Variants in UGGT2 observed in about 807,000 individuals in gnomAD.
UGGT2 encodes the protein UDP-glucose glycoprotein glucosyltransferase 2, also known as UDP-glucose:glycoprotein glucosyltransferase 2.
UGGT2 carries 180 observed loss-of-function variants against 192.1 expected under a neutral mutation model. The ratio of observed to expected loss-of-function variants is 0.94; its 90% confidence interval spans 0.83 to 1.06. The LOEUF (loss-of-function observed/expected upper bound fraction) is 1.06. Ranked by LOEUF, UGGT2 falls within the 50% of genes least tolerant of loss-of-function variation. The probability of loss-of-function intolerance (pLI) is 0.00; values close to 1 mark genes in which losing one functional copy is unlikely to be tolerated. For missense variants in UGGT2, 1,849 were observed against 1,795.7 expected (o/e 1.03, Z -0.54); for synonymous variants, 580 against 591.0 (o/e 0.98, Z 0.27).
intron 36 of UGGT2, among the ~76,000 whole-genome samples, chr13:95,851,737 T>C (rs533781952): frequency 1.3e-4 from 20 of 152,312 alleles, no homozygotes; most frequent in African/African-American, 4.6e-4. Context: ...CCAAACTACA[T>C]TTGAGTAAGG....
intron 7 of UGGT2, chr13:95,995,802 C>A: frequency 2.4e-6 from 1 of 415,248 alleles, no homozygotes; most frequent in Non-Finnish European, 4.3e-6. Flanking sequence ...ACTGGAAAAA[C>A]ATACTGTACA....
rs542545312 is a variant in UGGT2 at position 95,854,324 on chromosome 13, T to C, written c.4160A>G (p.Tyr1387Cys). 23 of 1,612,572 alleles carry C rather than the reference T, an allele frequency of 1.4e-5. No individual in the cohort carries two copies. In the East Asian group the frequency reaches 4.9e-4, roughly 34 times the overall value. The change falls in exon 35 of 39, where the codon TAC (tyrosine) becomes TGC (cysteine). Residue 1387 changes from tyrosine to cysteine, a missense_variant. Transcript: ENST00000376747. ...GTCTGACTTTTCTTACCTGATATGG[T>C]ATTTCCGTCTTAAAAGATGTGATGC... Reference protein sequence around the residue: ...YWASHLLRRKYHISALYVVDL... With the variant: ...YWASHLLRRKCHISALYVVDL...
At chr13:95,961,648 T>C (rs1019122890) in intron 12 of UGGT2, among the ~76,000 whole-genome samples, 2 of 152,096 alleles carry the variant, frequency 1.3e-5, no homozygotes, top group Admixed American at 6.5e-5. Flanking sequence ...AAAACAATAA[T>C]AGCTGGAACC....
chr13:95,899,307 G>C (rs1041345704), intron 22 of UGGT2, among the ~76,000 whole-genome samples: 2 of 152,144 alleles, frequency 1.3e-5, no homozygotes, highest in Non-Finnish European at 2.9e-5. Flanking sequence ...ACTTAAGATA[G>C]ATGCCTTATC....
At chr13:95,993,109 G>A (rs991766676) in intron 7 of UGGT2, among the ~76,000 whole-genome samples, 10 of 152,188 alleles carry the variant, frequency 6.6e-5, no homozygotes, top group East Asian at 5.8e-4. Flanking sequence ...TGAATGCAGC[G>A]GTAGGCCATT....
rs555723276 is a variant in UGGT2, at chr13:95,855,497, G to GTT, written c.4008+659_4008+660dup. On this transcript the variant is annotated intron_variant, in intron 34 of 38. Coordinates refer to ENST00000376747, the MANE Select transcript of UGGT2 (RefSeq NM_020121.4). ...ATTTTGAAAGCAGAGGGCCTTGGGT[G>GTT]TTTTTTTTTTTTTTTTGGCCAAATT... is the stretch of plus-strand genomic sequence containing the variant. Among the ~76,000 whole-genome samples the GTT allele has an allele frequency of 4.8e-3, 595 of 124,522 alleles. 4 individuals are homozygous for GTT. The highest frequency in any genetic ancestry group is 8.8e-3 in the African/African-American group (294 of 33,364). 81.7% of individuals were successfully genotyped at this position (124,522 alleles called of 152,430 possible).
rs150098383 is a variant in UGGT2, at chr13:95,887,924, A to G, written c.3006T>C (p.Cys1002=). 1.7e-5 allele frequency: 28 copies of G among 1,604,618 alleles called. No individual in the cohort carries two copies. The highest frequency in any genetic ancestry group is 1.7e-4 in the Middle Eastern group (1 of 5,890). Residue 1002 remains cysteine (C), a synonymous_variant, in exon 26 of 39, where the codon TGT becomes TGC. Transcript: ENST00000376747. ...INMKIKLFMN[C]RGRLSEAPLE... is the part of the protein sequence containing the mutation. ...AAGGGGCTTCTGAAAGCCTGCCCCT[A>G]CAGTTCATGAACAACTTTATCTTCA... is the stretch of plus-strand genomic sequence containing the variant.
intron 8 of UGGT2, among the ~76,000 whole-genome samples, chr13:95,986,661 C>A (rs1215257976): frequency 6.6e-6 from 1 of 151,982 alleles, no homozygotes; most frequent in Non-Finnish European, 1.5e-5. Flanking sequence ...CTTGTTTCCA[C>A]AAATTACAGT....
chr13:96,050,792 A>C (rs1468269881), intron 1 of UGGT2, among the ~76,000 whole-genome samples: 1 of 152,250 alleles, frequency 6.6e-6, no homozygotes, highest in Non-Finnish European at 1.5e-5. Flanking sequence ...ATACCATCTC[A>C]CACCAGTTAG....
intron 22 of UGGT2, among the ~76,000 whole-genome samples, chr13:95,897,709 G>A (rs73558645): frequency 0.016 from 2,503 of 152,012 alleles, 71 homozygotes; most frequent in African/African-American, 0.058. Flanking sequence ...TTACATTATC[G>A]CTCATAAACC....
Position 95,801,683 on chromosome 13 carries a change from C to G in UGGT2, c.*107G>C. 1 of 1,119,892 alleles carries G rather than the reference C, an allele frequency of 8.9e-7. No homozygotes were observed. Among genetic ancestry groups the G allele is most frequent in the Non-Finnish European group, 1.3e-6 (1 of 768,728 alleles). The allele number at this position is 1,119,892 out of a possible 1,614,324, so 69.4% of individuals were successfully genotyped here. ...TTTTTTAAAATTAAAGAATATGTCA[C>G]TGATCTTAACGAGACTTCCAAATCG... is the stretch of plus-strand genomic sequence containing the variant. On this transcript the variant is annotated 3_prime_UTR_variant, in exon 39 of 39. Transcript: ENST00000376747.
chr13:95,955,918 G>A (rs544989907), intron 12 of UGGT2, among the ~76,000 whole-genome samples: 2 of 152,248 alleles, frequency 1.3e-5, no homozygotes, highest in South Asian at 4.2e-4. Context: ...TAGTGTCTCA[G>A]TTTCTTCATC....
At chr13:95,877,631 T>C in intron 28 of UGGT2, 67 bp downstream of exon 28, 1 of 1,520,442 alleles carries the variant, frequency 6.6e-7, no homozygotes, top group East Asian at 2.3e-5. Flanking sequence ...TATTTCATTT[T>C]ACTCTTAGGA....
At chr13:95,805,456 CTCA>C (rs1346309733) in intron 38 of UGGT2, among the ~76,000 whole-genome samples, 2 of 152,074 alleles carry the variant, frequency 1.3e-5, no homozygotes, top group African/African-American at 4.8e-5. Context: ...AAAGCGGGGT[CTCA>C]AAGAGATATA....
chr13:95,952,422 A>G (rs767841645), intron 12 of UGGT2, among the ~76,000 whole-genome samples: 1 of 152,204 alleles, frequency 6.6e-6, no homozygotes, highest in Non-Finnish European at 1.5e-5. Flanking sequence ...ATAAAATGGC[A>G]TAGTATTTGC....
At chr13:95,832,847 C>G (rs1886870929) in intron 38 of UGGT2, 80 bp downstream of exon 38, 7 of 1,549,906 alleles carry the variant, frequency 4.5e-6, no homozygotes, top group Non-Finnish European at 6.2e-6. Context: ...TATAAATTCA[C>G]TAAGAAATGA....
chr13:96,024,208 G>A (rs1285202305), intron 2 of UGGT2, among the ~76,000 whole-genome samples: 2 of 152,116 alleles, frequency 1.3e-5, no homozygotes, highest in African/African-American at 2.4e-5. Flanking sequence ...AGTGTATCCA[G>A]AATACTTTTA....
chr13:95,865,823 GTTTACT>G (rs1890605114), intron 30 of UGGT2, among the ~76,000 whole-genome samples: 1 of 152,066 alleles, frequency 6.6e-6, no homozygotes, highest in South Asian at 2.1e-4. Flanking sequence ...ATTCCATTTA[GTTTACT>G]TTTATTTATC....
At chr13:95,927,432 A>T (rs1202665016) in intron 17 of UGGT2, 96 bp from the exon 18 acceptor site, 3 of 1,080,148 alleles carry the variant, frequency 2.8e-6, no homozygotes, top group Admixed American at 2.8e-5. Flanking sequence ...AATCAAAAAT[A>T]AATAAGCAAT....
Sources: allele counts gnomAD v4.1 joint callset (sites outside exome capture counted in the v4.1 genomes callset), GRCh38; gene constraint gnomAD v4.1.1; transcripts MANE v1.5; gene names NCBI Gene and HGNC (gene_info 2026-07-23, HGNC 2026-07-21).